The following PRKG1 variants were observed in gnomAD, a reference collection of about 807,000 sequenced individuals.
The protein encoded by PRKG1 is protein kinase cGMP-dependent 1, also known as cGMP-dependent protein kinase 1.
PRKG1 carries 35 observed loss-of-function variants against 88.1 expected under a neutral mutation model. The observed-to-expected ratio is 0.40, with a 90% CI of 0.30 to 0.53. The LOEUF is 0.53. Ranked by LOEUF, PRKG1 falls within the 20% of genes least tolerant of loss-of-function variation. The pLI, the probability that PRKG1 is intolerant of heterozygous loss-of-function variation, is 0.59. For synonymous variants in PRKG1, 303 were observed against 292.5 expected, an observed-to-expected ratio of 1.04 and a Z score of -0.37; for missense variants, 540 against 839.8, an observed-to-expected ratio of 0.64 and a Z score of 4.41.
chr10:52,262,015 C>T (rs1022686686), intron 10 of PRKG1, among the ~76,000 whole-genome samples: 8 of 152,072 alleles, frequency 5.3e-5, no homozygotes, highest in East Asian at 3.9e-4. Flanking sequence ...CTTTTTCTTT[C>T]GCCATGAAAG....
intron 4 of PRKG1, among the ~76,000 whole-genome samples, chr10:51,874,200 A>G (rs1375370111): frequency 1.3e-5 from 2 of 152,056 alleles, no homozygotes; most frequent in Admixed American, 1.3e-4. Context: ...CTCTGAGGGA[A>G]TTTTTCTGAA....
chr10:51,341,737 AT>A (rs1378086215), intron 2 of PRKG1, among the ~76,000 whole-genome samples: 5 of 152,188 alleles, frequency 3.3e-5, no homozygotes, highest in Non-Finnish European at 5.9e-5. Context: ...CATGCTGCTA[AT>A]AAAGACATAA....
At chr10:52,293,575 A>C (rs1233409419) in intron 17 of PRKG1, among the ~76,000 whole-genome samples, 1 of 152,074 alleles carries the variant, frequency 6.6e-6, no homozygotes, top group African/African-American at 2.4e-5. Flanking sequence ...GATTTTAGTG[A>C]TTATTTGTTT....
intron 3 of PRKG1, among the ~76,000 whole-genome samples, chr10:51,648,398 A>G (rs1380012426): frequency 6.6e-6 from 1 of 152,194 alleles, no homozygotes; most frequent in African/African-American, 2.4e-5. Context: ...GACACTGTAT[A>G]TTGCCTGCAC....
At chr10:52,290,147 A>G (rs1842208032) in intron 16 of PRKG1, 77 bp from the exon 17 acceptor site, 3 of 1,242,624 alleles carry the variant, frequency 2.4e-6, no homozygotes, top group South Asian at 2.7e-5. Flanking sequence ...CCCATTAGCC[A>G]TGGACATTGT....
intron 5 of PRKG1, among the ~76,000 whole-genome samples, chr10:51,947,989 T>A (rs7092969): frequency 0.78 from 118,755 of 152,158 alleles, 46,898 homozygotes; most frequent in African/African-American, 0.9. Flanking sequence ...TTCTTAAAGG[T>A]CTTCTACATT....
rs1904009 is a variant in PRKG1 at position 52,054,193 on chromosome 10, A to C, written c.763-291A>C. On this transcript the variant is annotated intron_variant, in intron 5 of 17. Transcript: ENST00000373980. Reference sequence around the variant, plus strand: ...CAGTCTTGAAAATGAGCATTATAGCACACCAGCATGGCACATGCATACATA... The same window carrying C: ...CAGTCTTGAAAATGAGCATTATAGCCCACCAGCATGGCACATGCATACATA... Among the ~76,000 whole-genome samples, 58,252 of 151,708 alleles carry C rather than the reference A, an allele frequency of 0.38. 11,358 individuals carry two copies. Among genetic ancestry groups the C allele is most frequent in the Non-Finnish European group, 0.44 (29,630 of 67,792 alleles).
At chr10:52,088,243 G>A (rs924538895) in intron 7 of PRKG1, among the ~76,000 whole-genome samples, 1 of 151,358 alleles carries the variant, frequency 6.6e-6, no homozygotes, top group African/African-American at 2.4e-5. Context: ...CCACAAAAAT[G>A]CCTTGTTCTT....
chr10:51,367,581 C>T (rs1207997945), intron 2 of PRKG1, among the ~76,000 whole-genome samples: 2 of 151,876 alleles, frequency 1.3e-5, no homozygotes, highest in African/African-American at 2.4e-5. Flanking sequence ...CTTCTTGTTG[C>T]GTCTGTCCCC....
At chr10:51,497,445 A>AG (rs1840891249) in intron 3 of PRKG1, among the ~76,000 whole-genome samples, 1 of 152,190 alleles carries the variant, frequency 6.6e-6, no homozygotes, top group Admixed American at 6.5e-5. Flanking sequence ...GTCTAGTGGG[A>AG]GAAAAAAAGA....
At chr10:51,910,454 A>T (rs1282374144) in intron 5 of PRKG1, 1 of 152,176 alleles carries the variant, frequency 6.6e-6, no homozygotes, top group Non-Finnish European at 1.5e-5. Context: ...CAGCTGGGAG[A>T]AGATTTTCAT....
At chr10:51,614,950 ACTTTGAATATATCCAT>A (rs1285278872) in intron 3 of PRKG1, among the ~76,000 whole-genome samples, 1 of 147,900 alleles carries the variant, frequency 6.8e-6, no homozygotes, top group Non-Finnish European at 1.5e-5. Flanking sequence ...AATATATTCA[ACTTTGAATATATCCAT>A]CTTTGAATAT....
chr10:51,198,731 T>C (rs990721200), intron 2 of PRKG1, among the ~76,000 whole-genome samples: 13 of 152,210 alleles, frequency 8.5e-5, no homozygotes, highest in African/African-American at 3.1e-4. Context: ...TTTCCCACAT[T>C]AGCTATTTGA....
At chr10:52,063,100 A>C (rs1351645491) in intron 7 of PRKG1, among the ~76,000 whole-genome samples, 1 of 152,086 alleles carries the variant, frequency 6.6e-6, no homozygotes, top group Non-Finnish European at 1.5e-5. Flanking sequence ...GCTTGGGCCC[A>C]TTGGGCTCAT....
At chr10:51,850,188 T>A (rs112726776) in intron 4 of PRKG1, among the ~76,000 whole-genome samples, 4 of 152,184 alleles carry the variant, frequency 2.6e-5, no homozygotes, top group Non-Finnish European at 4.4e-5. Flanking sequence ...ATATATATAT[T>A]TTTTTGAGAT....
chr10:52,217,387 CTT>C (rs1491102861), intron 9 of PRKG1, among the ~76,000 whole-genome samples: 2 of 151,890 alleles, frequency 1.3e-5, no homozygotes, highest in African/African-American at 2.4e-5. Flanking sequence ...CACACACACA[CTT>C]ATATATGTAT....
chr10:51,479,843 C>T (rs899076777), intron 3 of PRKG1, among the ~76,000 whole-genome samples: 15 of 152,098 alleles, frequency 9.9e-5, no homozygotes, highest in African/African-American at 1.4e-4. Flanking sequence ...TGACTTGGCA[C>T]GCCTTCACAG....
chr10:51,216,151 A>G (rs1013300503), intron 2 of PRKG1, among the ~76,000 whole-genome samples: 11 of 152,180 alleles, frequency 7.2e-5, no homozygotes, highest in African/African-American at 2.4e-4. Context: ...GGGATGAATG[A>G]ATGAGCAGAT....
intron 2 of PRKG1, among the ~76,000 whole-genome samples, chr10:51,206,510 T>C (rs1168784247): frequency 1.4e-5 from 2 of 147,098 alleles, no homozygotes; most frequent in Admixed American, 6.8e-5. Flanking sequence ...AAAAAAAGAA[T>C]GGAGCCAAAA....
Sources: gnomAD v4.1 joint callset for allele counts (sites outside exome capture counted in the v4.1 genomes callset) on GRCh38, gnomAD v4.1.1 for gene constraint, MANE v1.5 for transcripts, NCBI Gene and HGNC (gene_info 2026-07-23, HGNC 2026-07-21) for gene names.